The following C1orf167 variants were observed in gnomAD, a reference collection of about 807,000 sequenced individuals.
The protein encoded by C1orf167 is uncharacterized protein C1orf167.
In C1orf167, 153 loss-of-function variants were observed where a neutral mutation model predicts 176.5. The ratio of observed to expected loss-of-function variants is 0.87; its 90% CI spans 0.76 to 0.99. The LOEUF (loss-of-function observed/expected upper bound fraction) is 0.99, where lower values mean the gene tolerates loss of function less well. Among genes scored for constraint, C1orf167 ranks in the 50% least tolerant of loss-of-function variants. The probability of loss-of-function intolerance (pLI) is 0.00; values close to 1 mark genes in which losing one functional copy is unlikely to be tolerated. For synonymous variants in C1orf167, 594 were observed against 752.7 expected, an observed-to-expected ratio of 0.79 and a Z score of 3.45; for missense variants, 1,490 against 1,817.7, an observed-to-expected ratio of 0.82 and a Z score of 3.28.
chr1:11,770,810 A>T (rs1480539014), intron 6 of C1orf167, among the ~76,000 whole-genome samples: 1 of 140,520 alleles, frequency 7.1e-6, no homozygotes, highest in African/African-American at 2.7e-5. Flanking sequence ...ACAGTTGGGT[A>T]TTTTTTTTTT....
chr1:11,788,005 G>C lies in C1orf167; in HGVS notation c.3806G>C (p.Arg1269Thr). The C allele has an allele frequency of 7.7e-7, 1 of 1,303,666 alleles. No individual in the cohort carries two copies. The highest frequency in any genetic ancestry group is 1.0e-6 in the Non-Finnish European group (1 of 988,618). 80.8% of individuals were successfully genotyped at this position (1,303,666 alleles called of 1,614,324 possible). ...AGAGCGCACTCCAGCCCTGAGCCCA[G>C]AGCCTGCAAAGCCCAAAGCAAGGCC... ...GPRAHSSPEP[R>T]ACKAQSKAHK... The change falls in exon 18 of 21, where the codon AGA (arginine) becomes ACA (threonine). Residue 1269 changes from arginine to threonine, a missense_variant. Physicochemically the swap from Arg to Thr is moderately conservative, Grantham distance 71. Transcript: ENST00000688073.
chr1:11,784,107 G>A, intron 14 of C1orf167, 67 bp from the exon 15 acceptor site: 5 of 1,194,946 alleles, frequency 4.2e-6, no homozygotes, highest in Non-Finnish European at 5.4e-6. Context: ...CACTCACCTT[G>A]GCTTCCCAAA....
chr1:11,782,781 G>T (rs1421661831), intron 14 of C1orf167, among the ~76,000 whole-genome samples: 3 of 152,040 alleles, frequency 2.0e-5, no homozygotes, highest in Non-Finnish European at 2.9e-5. Flanking sequence ...AATTAGACGG[G>T]CATGGTGGCA....
intron 7 of C1orf167, among the ~76,000 whole-genome samples, 194 bp from the exon 8 acceptor site, chr1:11,771,888 G>A (rs1643095883): frequency 6.6e-6 from 1 of 152,110 alleles, no homozygotes; most frequent in Non-Finnish European, 1.5e-5. Flanking sequence ...CATGAGAGGA[G>A]CACGGCCTGC....
rs1209733277 is a variant in C1orf167 at position 11,767,324 on chromosome 1, C to T, written c.1343+60C>T. On this transcript the variant is annotated intron_variant, in intron 4 of 20. Transcript: ENST00000688073. ...GTTGGGGGACACGTGCTCAGGACTC[C>T]GCTCCCATTTGCCTGTCCAAATGGA... 3.8e-5 allele frequency: 47 copies of T among 1,242,468 alleles called. 1 individual carries two copies. The highest frequency in any genetic ancestry group is 2.3e-4 in the South Asian group (18 of 79,858). The allele number at this position is 1,242,468 out of a possible 1,614,324, so 77.0% of individuals were successfully genotyped here.
At chr1:11,772,894 C>CATTATTATTATTATTATTATTATT (rs1553179315) in intron 8 of C1orf167, among the ~76,000 whole-genome samples, 2,747 of 66,134 alleles carry the variant, frequency 0.042, 62 homozygotes, top group Non-Finnish European at 0.047. Flanking sequence ...TATTATGGGG[C>CATTATTATTATTATTATTATTATT]ATTATTATTA....
chr1:11,770,638 T>C (rs1254603200), intron 6 of C1orf167, among the ~76,000 whole-genome samples: 3 of 151,284 alleles, frequency 2.0e-5, no homozygotes, highest in Non-Finnish European at 2.9e-5. Flanking sequence ...ATTTTTGTAT[T>C]TTTAGTAGAG....
At chr1:11,769,513 A>T (rs570809733) in intron 6 of C1orf167, among the ~76,000 whole-genome samples, 1 of 152,096 alleles carries the variant, frequency 6.6e-6, no homozygotes, top group Non-Finnish European at 1.5e-5. Flanking sequence ...GGCTGCAGTG[A>T]GCTATGATCA....
intron 16 of C1orf167, chr1:11,786,678 C>A (rs1431208464): frequency 2.6e-5 from 4 of 150,984 alleles, no homozygotes; most frequent in Non-Finnish European, 5.9e-5. Context: ...TGGGCTCAAG[C>A]GATCTACCTG....
intron 8 of C1orf167, 23 bp downstream of exon 8, chr1:11,772,282 T>C: frequency 1.5e-6 from 2 of 1,294,856 alleles, no homozygotes; most frequent in African/African-American, 1.5e-5. Flanking sequence ...TCCCTTTTTT[T>C]TGAGATGAGG....
At chr1:11,763,155 C>T (rs1357200187) in intron 1 of C1orf167, among the ~76,000 whole-genome samples, 5 of 152,074 alleles carry the variant, frequency 3.3e-5, no homozygotes, top group South Asian at 2.1e-4. Context: ...AAAGACTTTG[C>T]GGGGCTGGGT....
intron 9 of C1orf167, among the ~76,000 whole-genome samples, chr1:11,775,871 G>A (rs186345735): frequency 8.7e-4 from 133 of 152,320 alleles, no homozygotes; most frequent in African/African-American, 3.1e-3. Flanking sequence ...TCTCAGTGCT[G>A]GTATCCTAGA....
intron 14 of C1orf167, among the ~76,000 whole-genome samples, chr1:11,783,670 G>C (rs1450137951): frequency 6.6e-6 from 1 of 152,156 alleles, no homozygotes; most frequent in African/African-American, 2.4e-5. Flanking sequence ...CCATACTGCT[G>C]GTTCCCATCC....
chr1:11,771,180 A>C (rs1402978334), intron 6 of C1orf167, among the ~76,000 whole-genome samples: 1 of 147,418 alleles, frequency 6.8e-6, no homozygotes, highest in Non-Finnish European at 1.5e-5. Context: ...CAGCCTCCTA[A>C]AGTCCTCGGA....
intron 11 of C1orf167, 36 bp from the exon 12 acceptor site, chr1:11,778,890 G>T (rs1459773356): frequency 7.7e-7 from 1 of 1,299,274 alleles, no homozygotes. Context: ...AAGGGGACAG[G>T]GTAGGGGACC....
At chr1:11,762,346 T>C in intron 1 of C1orf167, 41 bp downstream of exon 1, 1 of 358,740 alleles carries the variant, frequency 2.8e-6, no homozygotes, top group Non-Finnish European at 5.6e-6. Flanking sequence ...GACCTCAGAC[T>C]CTTTTGGTGG....
At chr1:11,771,091 T>C (rs1643054028) in intron 6 of C1orf167, among the ~76,000 whole-genome samples, 1 of 119,508 alleles carries the variant, frequency 8.4e-6, no homozygotes, top group Non-Finnish European at 1.7e-5. Context: ...TTTTTTTTTT[T>C]TTTTTGTAGT....
chr1:11,764,131 A>G (rs988354512), intron 1 of C1orf167, among the ~76,000 whole-genome samples, 200 bp from the exon 2 acceptor site: 1 of 152,068 alleles, frequency 6.6e-6, no homozygotes, highest in East Asian at 1.9e-4. Flanking sequence ...GCAGCATTTG[A>G]CCTGGACACT....
rs1369054859 is a variant in C1orf167 at position 11,766,460 on chromosome 1, G to A, written c.674G>A (p.Ser225Asn). The A allele has an allele frequency of 7.8e-7, 1 of 1,286,972 alleles. No homozygotes were observed. Among genetic ancestry groups the A allele is most frequent in the African/African-American group, 1.5e-5 (1 of 65,732 alleles). The allele number at this position is 1,286,972 out of a possible 1,614,324, so 79.7% of individuals were successfully genotyped here. A position where few individuals can be genotyped will look rare whatever the true frequency, so the allele number is the denominator to read the frequency against. ...PLTLEDLAVPSQNQTQAPSRA... is the reference protein window; with the variant it reads ...PLTLEDLAVPNQNQTQAPSRA... ...ACCCTGGAGGACCTGGCTGTCCCCA[G>A]TCAGAACCAGACTCAGGCCCCATCC... is the stretch of plus-strand genomic sequence containing the variant. The change falls in exon 3 of 21, where the codon AGT becomes AAT. Residue 225 changes from serine (S) to asparagine (N), a missense_variant. Physicochemically the swap from Ser to Asn is conservative, Grantham distance 46. Coordinates refer to ENST00000688073, the MANE Select transcript of C1orf167 (RefSeq NM_001010881.2). The surrounding 1 kb of genome is among the most constrained non-coding windows in gnomAD (Gnocchi z 4.5).
Sources: gnomAD v4.1 joint callset for allele counts (sites outside exome capture counted in the v4.1 genomes callset) on GRCh38, gnomAD v4.1.1 for gene constraint, Gnocchi (gnomAD v3.1) non-coding constraint, MANE v1.5 for transcripts, NCBI Gene and HGNC (gene_info 2026-07-23, HGNC 2026-07-21) for gene names.